INSR: variants seen among roughly 807,000 people sequenced by gnomAD.
INSR encodes IR.
Under a neutral mutation model 142.6 loss-of-function variants are expected in INSR, and 67 were observed. That is an observed-to-expected ratio of 0.47 (90% CI 0.39 to 0.58). The LOEUF is 0.58. Among genes scored for constraint, INSR ranks in the 20% least tolerant of loss-of-function variants. The pLI is 0.00. For missense variants in INSR, 1,248 were observed against 1,833.2 expected (o/e 0.68, Z 5.83); for synonymous variants, 756 against 743.1 (o/e 1.02, Z -0.28).
In INSR at chr19:7,125,508, G is replaced by A. The variant is rs1799815; in HGVS notation, c.3033C>T (p.Tyr1011=). 96,691 of 1,613,762 alleles carry A rather than the reference G, an allele frequency of 0.06. 3,409 individuals are homozygous for A. Among genetic ancestry groups the A allele is most frequent in the Middle Eastern group, 0.095 (575 of 6,062 alleles). Residue 1011 remains tyrosine, a synonymous_variant, in exon 17 of 22, where the codon TAC becomes TAT. Coordinates refer to ENST00000302850, the MANE Select transcript of INSR (RefSeq NM_000208.4). The surrounding 1 kb of genome is among the most constrained non-coding windows in gnomAD (Gnocchi z 4.9). ...SASDVFPCSV[Y]VPDEWEVSRE... ...GAGACACCTCCCACTCGTCCGGCAC[G>A]TACACAGAGCATGGAAACACTACTT...
intron 13 of INSR, among the ~76,000 whole-genome samples, chr19:7,133,040 T>C (rs980865477): frequency 1.3e-5 from 2 of 152,070 alleles, no homozygotes; most frequent in East Asian, 3.9e-4. Flanking sequence ...GAAGGGAGGA[T>C]TGCTGGAGCC....
At chr19:7,256,149 A>C (rs1401821960) in intron 2 of INSR, among the ~76,000 whole-genome samples, 2 of 152,144 alleles carry the variant, frequency 1.3e-5, no homozygotes, top group African/African-American at 4.8e-5. Context: ...AAAAATGAAT[A>C]AATAAGGGCT....
chr19:7,123,548 C>A (rs551212251), intron 17 of INSR, among the ~76,000 whole-genome samples: 5 of 152,264 alleles, frequency 3.3e-5, no homozygotes, highest in Middle Eastern at 3.4e-3. Context: ...TCCTCTAAGT[C>A]TTTGCTCAAA....
chr19:7,263,113 C>G (rs1378988552), intron 2 of INSR, among the ~76,000 whole-genome samples: 2 of 151,896 alleles, frequency 1.3e-5, no homozygotes, highest in African/African-American at 4.8e-5. Flanking sequence ...CCCCCTCTGT[C>G]CTGAAAATAC....
intron 2 of INSR, among the ~76,000 whole-genome samples, chr19:7,207,829 A>G (rs10416958): frequency 1 from 151,272 of 151,372 alleles, 75,586 homozygotes; most frequent in Middle Eastern, 1. Context: ...TGAGGCTGCA[A>G]TGAGCTATGA....
At chr19:7,152,400 A>AGC (rs1973391839) in intron 10 of INSR, 3 of 349,822 alleles carry the variant, frequency 8.6e-6, no homozygotes, top group Non-Finnish European at 1.6e-5. Flanking sequence ...AAAAAGAGAG[A>AGC]GAGAGAAAAA....
chr19:7,269,156 C>A (rs1967834145), intron 1 of INSR, among the ~76,000 whole-genome samples: 1 of 150,134 alleles, frequency 6.7e-6, no homozygotes, highest in African/African-American at 2.5e-5. Flanking sequence ...ACTAAACCTT[C>A]CACCAATATC....
intron 2 of INSR, among the ~76,000 whole-genome samples, chr19:7,234,058 T>C (rs999603644): frequency 2.0e-5 from 3 of 151,926 alleles, no homozygotes; most frequent in African/African-American, 7.3e-5. Context: ...AGGCGCGCTA[T>C]GGTGTCCAGC....
At chr19:7,149,586 C>A (rs1473875358) in intron 11 of INSR, among the ~76,000 whole-genome samples, 1 of 152,102 alleles carries the variant, frequency 6.6e-6, no homozygotes, top group African/African-American at 2.4e-5. Flanking sequence ...CTTTGGGAGG[C>A]CGAGGCGGGC....
chr19:7,167,872 C>CA (rs1417256070), intron 7 of INSR, 96 bp downstream of exon 7: 2 of 1,482,560 alleles, frequency 1.3e-6, no homozygotes, highest in Non-Finnish European at 1.9e-6. Context: ...GGGAGATAGA[C>CA]AGGAACCCAA....
intron 9 of INSR, among the ~76,000 whole-genome samples, chr19:7,153,376 CCATACACGCACCACA>C (rs1568450092): frequency 2.9e-4 from 4 of 13,680 alleles, no homozygotes; most frequent in Admixed American, 6.2e-4. Flanking sequence ...CCCACACACA[CCATACACGCACCACA>C]CACACACCAC....
intron 2 of INSR, among the ~76,000 whole-genome samples, chr19:7,251,155 C>T (rs2145175130): frequency 6.6e-6 from 1 of 151,790 alleles, no homozygotes; most frequent in South Asian, 2.1e-4. Context: ...TTGTGACAAC[C>T]AAAAAATATC....
intron 2 of INSR, among the ~76,000 whole-genome samples, chr19:7,221,153 C>A (rs1325175144): frequency 6.6e-6 from 1 of 151,824 alleles, no homozygotes; most frequent in African/African-American, 2.4e-5. Flanking sequence ...GCGGGCGGAT[C>A]ACTTGAGGTG....
At chr19:7,224,995 CAG>C (rs1224787253) in intron 2 of INSR, among the ~76,000 whole-genome samples, 1 of 151,426 alleles carries the variant, frequency 6.6e-6, no homozygotes, top group African/African-American at 2.4e-5. Flanking sequence ...CAGACAGAGA[CAG>C]AGAGGGGAGT....
intron 1 of INSR, among the ~76,000 whole-genome samples, chr19:7,280,265 T>C (rs1261603778): frequency 1.4e-5 from 2 of 147,896 alleles, no homozygotes; most frequent in African/African-American, 5.0e-5. Flanking sequence ...CTCCGTCTCA[T>C]AACAAAAAAC....
chr19:7,176,548 C>T (rs1974139046), intron 3 of INSR, among the ~76,000 whole-genome samples: 1 of 152,164 alleles, frequency 6.6e-6, no homozygotes. Context: ...CTGCAGTGAG[C>T]CGAGATTGTG....
At chr19:7,290,594 G>A (rs1361258643) in intron 1 of INSR, among the ~76,000 whole-genome samples, 4 of 151,776 alleles carry the variant, frequency 2.6e-5, no homozygotes, top group African/African-American at 9.7e-5. Context: ...CCAATATGGC[G>A]AAATCCCATC....
chr19:7,290,733 T>C lies in INSR; in HGVS notation c.100+3059A>G, dbSNP rs1468742826. 6.3e-4 allele frequency among the ~76,000 whole-genome samples: 87 copies of C among 137,972 alleles called. 1 individual carries two copies. Among genetic ancestry groups the C allele is most frequent in the Admixed American group, 1.5e-3 (19 of 12,972 alleles). The allele number at this position is 137,972 out of a possible 152,430, so 90.5% of individuals were successfully genotyped here. On this transcript the variant is annotated intron_variant, in intron 1 of 21. Transcript: ENST00000302850. ...GGTCGCAAAGATCGTGTCACTGCACTCCAGCCCGGGTGACAGAGTGACACC... is the reference window on the plus strand; with the variant it reads ...GGTCGCAAAGATCGTGTCACTGCACCCCAGCCCGGGTGACAGAGTGACACC...
At chr19:7,141,269 G>A (rs1973063877) in intron 13 of INSR, among the ~76,000 whole-genome samples, 1 of 152,106 alleles carries the variant, frequency 6.6e-6, no homozygotes, top group African/African-American at 2.4e-5. Flanking sequence ...TGGCCAGGCT[G>A]GTCTCAAACT....
Sources: allele counts gnomAD v4.1 joint callset (sites outside exome capture counted in the v4.1 genomes callset), GRCh38; gene constraint gnomAD v4.1.1; non-coding constraint Gnocchi (gnomAD v3.1); transcripts MANE v1.5; gene names NCBI Gene and HGNC (gene_info 2026-07-23, HGNC 2026-07-21).